SDK1: variants seen among roughly 807,000 people sequenced by gnomAD.
SDK1 encodes sidekick cell adhesion molecule 1, also known as protein sidekick-1.
SDK1 carries 157 observed loss-of-function variants against 245.5 expected under a neutral mutation model. That is an observed-to-expected ratio of 0.64 (90% CI 0.56 to 0.73). The LOEUF is 0.73. Among genes scored for constraint, SDK1 ranks in the 30% least tolerant of loss-of-function variants. The probability of loss-of-function intolerance (pLI) is 0.00; values close to 1 mark genes in which losing one functional copy is unlikely to be tolerated. For synonymous variants in SDK1, 1,647 were observed against 1,278.5 expected (o/e 1.29, Z -6.15); for missense variants, 3,583 against 3,002.3 (o/e 1.19, Z -4.52).
rs774773902 is a variant in SDK1 at position 4,178,592 on chromosome 7, C to T, written c.5098+6C>T. On this transcript the variant is annotated splice_donor_region_variant and intron_variant, in intron 35 of 44. Transcript: ENST00000404826. ...GGTCTTTGTCGGCGAGGCTGGTAAG[C>T]TCCGTGCACCCCCAACCCCACTGCC... The T allele has an allele frequency of 1.2e-6, 2 of 1,600,430 alleles. No individual in the cohort carries two copies. The highest frequency in any genetic ancestry group is 1.7e-6 in the Non-Finnish European group (2 of 1,172,090).
At chr7:4,084,564 G>A (rs903167520) in intron 22 of SDK1, among the ~76,000 whole-genome samples, 2 of 152,134 alleles carry the variant, frequency 1.3e-5, no homozygotes, top group African/African-American at 4.8e-5. Flanking sequence ...GCTGGTCCCT[G>A]CTTCGACACC....
In SDK1 at chr7:3,709,390, A is replaced by G. The variant is rs188418727; in HGVS notation, c.713+67285A>G. Among the ~76,000 whole-genome samples the G allele has an allele frequency of 3.1e-4, 47 of 152,098 alleles. 1 individual carries two copies. Among genetic ancestry groups the G allele is most frequent in the African/African-American group, 1.1e-3 (44 of 41,512 alleles). ...CAAGGCCCTTCCTTCTGCTGCTCCT[A>G]CTTAATATTCCCCACCCCTCCCTGT... is the stretch of plus-strand genomic sequence containing the variant. On this transcript the variant is annotated intron_variant, in intron 4 of 44. Coordinates refer to ENST00000404826, the MANE Select transcript of SDK1 (RefSeq NM_152744.4).
Position 4,077,260 on chromosome 7 carries a change from T to G in SDK1, c.3202+71T>G, listed in dbSNP as rs1012478790. ...GAGATTCCCGAGGCTAGAAGTTGAT[T>G]GGCACTTTGGTGTGGAAGCCACTGA... On this transcript the variant is annotated intron_variant, in intron 21 of 44. Transcript: ENST00000404826. 51 of 1,457,376 alleles carry G rather than the reference T, an allele frequency of 3.5e-5. No homozygotes were observed. The African/African-American group carries it at 6.3e-4, about 18-fold the overall frequency. The allele number at this position is 1,457,376 out of a possible 1,614,324, so 90.3% of individuals were successfully genotyped here.
At chr7:3,476,919 A>T (rs1462538344) in intron 1 of SDK1, among the ~76,000 whole-genome samples, 1 of 152,088 alleles carries the variant, frequency 6.6e-6, no homozygotes, top group East Asian at 1.9e-4. Flanking sequence ...AACTCCTCTA[A>T]CTGGTGAGGC....
intron 1 of SDK1, among the ~76,000 whole-genome samples, chr7:3,424,067 A>G (rs1397544908): frequency 6.6e-6 from 1 of 152,032 alleles, no homozygotes; most frequent in African/African-American, 2.4e-5. Flanking sequence ...GCGCGCCACC[A>G]TGCCTAGCTA....
At position 3,766,061 on chromosome 7, in the gene SDK1, G is replaced by A. The variant is rs1780243493; in HGVS notation, c.714-55389G>A. ...AAGTGTATCATTTATTTTACAAATG[G>A]CGTTTTCCCAAGAGATGACATTTCT... On this transcript the variant is annotated intron_variant, in intron 4 of 44. Transcript: ENST00000404826. Among the ~76,000 whole-genome samples, 3 of 152,104 alleles carry A rather than the reference G, an allele frequency of 2.0e-5. No individual in the cohort carries two copies. The South Asian group carries it at 6.2e-4, about 32-fold the overall frequency.
chr7:3,681,136 C>A (rs2114983676), intron 4 of SDK1, among the ~76,000 whole-genome samples: 1 of 152,310 alleles, frequency 6.6e-6, no homozygotes, highest in South Asian at 2.1e-4. Context: ...GCCACCGCGC[C>A]CGGCTGCCAC....
At chr7:3,370,654 C>T (rs1319985554) in intron 1 of SDK1, among the ~76,000 whole-genome samples, 3 of 152,202 alleles carry the variant, frequency 2.0e-5, no homozygotes, top group Non-Finnish European at 4.4e-5. Flanking sequence ...AAGATCTGGG[C>T]AGAATGTTCT....
intron 7 of SDK1, chr7:3,958,161 T>C (rs1257695679): frequency 1.1e-5 from 4 of 356,968 alleles, no homozygotes; most frequent in South Asian, 2.1e-5. Flanking sequence ...AAATTAATTA[T>C]CGCACAGAAA....
chr7:3,595,406 C>G (rs1468978474), intron 1 of SDK1, among the ~76,000 whole-genome samples: 1 of 151,928 alleles, frequency 6.6e-6, no homozygotes, highest in East Asian at 1.9e-4. Flanking sequence ...GATTGCTTTT[C>G]TAATAACAGT....
rs142662891 is a variant in SDK1, at chr7:4,033,408, C to T, written c.2603-15940C>T. Among the ~76,000 whole-genome samples, 59 of 152,198 alleles carry T rather than the reference C, an allele frequency of 3.9e-4. 2 individuals carry two copies. Among genetic ancestry groups the T allele is most frequent in the African/African-American group, 1.4e-3 (58 of 41,510 alleles). ...CTCTCTAACCTGGAAGTGGGGAAAA[C>T]TTGTCTAACAATGACTCAAAATCTC... is the stretch of plus-strand genomic sequence containing the variant. On this transcript the variant is annotated intron_variant, in intron 17 of 44. Coordinates refer to ENST00000404826, the MANE Select transcript of SDK1 (RefSeq NM_152744.4).
intron 40 of SDK1, among the ~76,000 whole-genome samples, chr7:4,225,532 A>C (rs1289281137): frequency 6.6e-6 from 1 of 152,078 alleles, no homozygotes; most frequent in Non-Finnish European, 1.5e-5. Context: ...AGGCTTGCCG[A>C]GAGAGCCCTT....
chr7:3,350,163 A>G (rs546317561), intron 1 of SDK1, among the ~76,000 whole-genome samples: 4 of 152,316 alleles, frequency 2.6e-5, no homozygotes, highest in African/African-American at 2.4e-5. Flanking sequence ...TATATAATGG[A>G]TCACAGAAGG....
intron 8 of SDK1, among the ~76,000 whole-genome samples, chr7:3,961,245 G>T (rs1170879912): frequency 6.6e-6 from 1 of 152,198 alleles, no homozygotes; most frequent in Non-Finnish European, 1.5e-5. Context: ...CTGCTATTAT[G>T]AGATATTACA....
At chr7:4,072,285 ACT>A (rs1277150437) in intron 20 of SDK1, among the ~76,000 whole-genome samples, 4 of 152,030 alleles carry the variant, frequency 2.6e-5, no homozygotes, top group South Asian at 2.1e-4. Flanking sequence ...CACCAGGCAG[ACT>A]CTCTGCAGGT....
chr7:4,123,742 C>G (rs1416567620), intron 25 of SDK1, among the ~76,000 whole-genome samples: 1 of 152,206 alleles, frequency 6.6e-6, no homozygotes, highest in Admixed American at 6.5e-5. Flanking sequence ...TAGAAGGGGG[C>G]TCACAGTGTT....
At chr7:3,621,187 G>T (rs1469707824) in intron 2 of SDK1, among the ~76,000 whole-genome samples, 1 of 152,168 alleles carries the variant, frequency 6.6e-6, no homozygotes, top group Admixed American at 6.5e-5. Flanking sequence ...GGCTCAGTTT[G>T]TTAGAAGGGG....
intron 1 of SDK1, among the ~76,000 whole-genome samples, chr7:3,583,623 C>T (rs575091358): frequency 5.9e-5 from 9 of 152,148 alleles, no homozygotes; most frequent in Admixed American, 1.3e-4. Context: ...AAATGAATAA[C>T]ATATCAGTCT....
chr7:4,157,396 G>C (rs1457492264), intron 30 of SDK1, among the ~76,000 whole-genome samples: 1 of 82,778 alleles, frequency 1.2e-5, no homozygotes, highest in Non-Finnish European at 2.4e-5. Flanking sequence ...AATGAGGGGA[G>C]GGAGGGAGGA....
Sources: gnomAD v4.1 joint callset for allele counts (sites outside exome capture counted in the v4.1 genomes callset) on GRCh38, gnomAD v4.1.1 for gene constraint, MANE v1.5 for transcripts, NCBI Gene and HGNC (gene_info 2026-07-23, HGNC 2026-07-21) for gene names.